Variants in CHST11 observed in about 807,000 individuals in gnomAD.
CHST11 encodes the protein C4S-1.
Under a neutral mutation model 30.4 loss-of-function variants are expected in CHST11, and 9 were observed. That is an observed-to-expected ratio of 0.30 (90% CI 0.18 to 0.52). The LOEUF is 0.52. Ranked by LOEUF, CHST11 falls within the 20% of genes least tolerant of loss-of-function variation. The probability of loss-of-function intolerance (pLI) is 0.97; values close to 1 mark genes in which losing one functional copy is unlikely to be tolerated. For missense variants in CHST11, 348 were observed against 460.6 expected (o/e 0.76, Z 2.24); for synonymous variants, 152 against 187.8 (o/e 0.81, Z 1.56).
At chr12:104,735,307 G>A (rs2040291607) in intron 2 of CHST11, among the ~76,000 whole-genome samples, 1 of 152,178 alleles carries the variant, frequency 6.6e-6, no homozygotes, top group African/African-American at 2.4e-5. Context: ...AGGACTAAAT[G>A]TGATTACACA....
chr12:104,697,388 C>T (rs1218949102), intron 2 of CHST11, among the ~76,000 whole-genome samples: 2 of 152,144 alleles, frequency 1.3e-5, no homozygotes, highest in Non-Finnish European at 2.9e-5. Flanking sequence ...CTTCCAATCA[C>T]TTGAGGCCTT....
chr12:104,519,690 T>C (rs1222414296), intron 1 of CHST11, among the ~76,000 whole-genome samples: 1 of 152,214 alleles, frequency 6.6e-6, no homozygotes, highest in Non-Finnish European at 1.5e-5. Flanking sequence ...TAATTACTGG[T>C]TGAGGCTTGA....
At chr12:104,712,927 G>A (rs147474245) in intron 2 of CHST11, among the ~76,000 whole-genome samples, 61 of 152,156 alleles carry the variant, frequency 4.0e-4, no homozygotes, top group African/African-American at 1.4e-3. Context: ...TATTTTAGGA[G>A]ACAATCTTCT....
intron 2 of CHST11, among the ~76,000 whole-genome samples, chr12:104,709,970 G>T (rs1158722014): frequency 6.6e-6 from 1 of 152,166 alleles, no homozygotes; most frequent in Non-Finnish European, 1.5e-5. Flanking sequence ...ACCGAGGTGG[G>T]AGGATCACTT....
chr12:104,518,192 C>T (rs775322828), intron 1 of CHST11, among the ~76,000 whole-genome samples: 7 of 152,052 alleles, frequency 4.6e-5, no homozygotes, highest in Admixed American at 2.6e-4. Context: ...GAGGCTGAGG[C>T]GGGAGGATTG....
intron 1 of CHST11, among the ~76,000 whole-genome samples, chr12:104,598,067 G>A (rs1176315465): frequency 6.6e-6 from 1 of 152,222 alleles, no homozygotes; most frequent in African/African-American, 2.4e-5. Context: ...ACTGCTTGGC[G>A]AAGCATTGGT....
intron 1 of CHST11, among the ~76,000 whole-genome samples, chr12:104,540,681 C>T (rs1012872352): frequency 2.0e-5 from 3 of 152,204 alleles, no homozygotes; most frequent in East Asian, 1.9e-4. Flanking sequence ...ACCAGGGAAA[C>T]CTGCAGATGG....
At chr12:104,491,643 A>G (rs993341344) in intron 1 of CHST11, among the ~76,000 whole-genome samples, 1 of 151,950 alleles carries the variant, frequency 6.6e-6, no homozygotes, top group African/African-American at 2.4e-5. Flanking sequence ...TAATTGAAAA[A>G]AGAAATTTTT....
In CHST11 at chr12:104,757,096, C is replaced by A; in HGVS notation, c.352C>A (p.Leu118Ile). The change falls in exon 3 of 3, where the codon CTC (leucine) becomes ATC (isoleucine). Residue 118 changes from leucine to isoleucine, a missense_variant. Physicochemically the swap from Leu to Ile is conservative, Grantham distance 5 (BLOSUM62 2). Coordinates refer to ENST00000303694, the MANE Select transcript of CHST11 (RefSeq NM_018413.6). This position sits in a 1 kb window ranked among gnomAD's most constrained non-coding sequence, Gnocchi z 6.5. ...CTTGGTGGTGGATGAGGACCACGAGCTCATCTACTGCTACGTGCCCAAGGT... is the reference window on the plus strand; with the variant it reads ...CTTGGTGGTGGATGAGGACCACGAGATCATCTACTGCTACGTGCCCAAGGT... ...KHLVVDEDHE[L>I]IYCYVPKVAC... 6.2e-7 allele frequency: 1 copy of A among 1,614,124 alleles called. No homozygotes were observed. The highest frequency in any genetic ancestry group is 8.5e-7 in the Non-Finnish European group (1 of 1,180,036).
chr12:104,497,180 C>T (rs2037806582), intron 1 of CHST11, among the ~76,000 whole-genome samples: 1 of 152,178 alleles, frequency 6.6e-6, no homozygotes, highest in Non-Finnish European at 1.5e-5. Flanking sequence ...AGACCTAACC[C>T]CCAGTACCTC....
chr12:104,554,197 G>A (rs2038432800), intron 1 of CHST11, among the ~76,000 whole-genome samples: 1 of 152,178 alleles, frequency 6.6e-6, no homozygotes, highest in Non-Finnish European at 1.5e-5. Context: ...ATGCTCAAGG[G>A]GGAAGGGGCA....
At chr12:104,498,965 G>A (rs545477477) in intron 1 of CHST11, among the ~76,000 whole-genome samples, 10 of 151,946 alleles carry the variant, frequency 6.6e-5, no homozygotes, top group African/African-American at 2.2e-4. Flanking sequence ...TTCTTAACCC[G>A]TTTTCAGAAT....
At chr12:104,721,422 T>TA (rs2040175458) in intron 2 of CHST11, among the ~76,000 whole-genome samples, 1 of 152,198 alleles carries the variant, frequency 6.6e-6, no homozygotes, top group African/African-American at 2.4e-5. Context: ...TGTGCCACCT[T>TA]TATGGGAAAG....
chr12:104,509,980 C>T (rs564437350), intron 1 of CHST11, among the ~76,000 whole-genome samples: 2 of 152,282 alleles, frequency 1.3e-5, no homozygotes, highest in East Asian at 1.9e-4. Flanking sequence ...TGAGAATCTT[C>T]CATCTTTAAC....
intron 2 of CHST11, among the ~76,000 whole-genome samples, chr12:104,616,282 T>C (rs1003236449): frequency 6.6e-6 from 1 of 152,156 alleles, no homozygotes; most frequent in African/African-American, 2.4e-5. Flanking sequence ...TTTAAAAAAT[T>C]GCAATGCTCA....
At chr12:104,502,669 G>T (rs2037862973) in intron 1 of CHST11, among the ~76,000 whole-genome samples, 1 of 152,186 alleles carries the variant, frequency 6.6e-6, no homozygotes, top group Non-Finnish European at 1.5e-5. Context: ...AGGAGCTCAT[G>T]GTGCAATTCA....
At chr12:104,555,220 A>G (rs2038444098) in intron 1 of CHST11, among the ~76,000 whole-genome samples, 1 of 152,198 alleles carries the variant, frequency 6.6e-6, no homozygotes, top group South Asian at 2.1e-4. Context: ...CTCTAGAGAA[A>G]GGGCACCATG....
chr12:104,551,542 C>A (rs576843874), intron 1 of CHST11, among the ~76,000 whole-genome samples: 17 of 152,236 alleles, frequency 1.1e-4, no homozygotes, highest in Admixed American at 8.5e-4. Context: ...ATGAGATAAT[C>A]GCCCTCCTCC....
At chr12:104,567,555 T>A (rs2038580334) in intron 1 of CHST11, among the ~76,000 whole-genome samples, 1 of 152,100 alleles carries the variant, frequency 6.6e-6, no homozygotes, top group Non-Finnish European at 1.5e-5. Flanking sequence ...TACCTCTAGT[T>A]CCATTCCTGT....
Sources: allele counts gnomAD v4.1 joint callset (sites outside exome capture counted in the v4.1 genomes callset), GRCh38; gene constraint gnomAD v4.1.1; non-coding constraint Gnocchi (gnomAD v3.1); transcripts MANE v1.5; gene names NCBI Gene and HGNC (gene_info 2026-07-23, HGNC 2026-07-21).